CACNB2: variants seen among roughly 807,000 people sequenced by gnomAD.
CACNB2 encodes voltage-dependent L-type calcium channel subunit beta-2.
Under a neutral mutation model 73.3 loss-of-function variants are expected in CACNB2, and 42 were observed. That is an observed-to-expected ratio of 0.57 (90% CI 0.45 to 0.74). The LOEUF is 0.74. CACNB2 is among the 30% of genes least tolerant of loss of function. CACNB2 has a pLI of 0.00. For missense variants in CACNB2, 940 were observed against 853.0 expected (o/e 1.10, Z -1.27); for synonymous variants, 348 against 310.3 (o/e 1.12, Z -1.28).
intron 3 of CACNB2, among the ~76,000 whole-genome samples, chr10:18,489,813 T>C (rs2049304198): frequency 6.6e-6 from 1 of 152,230 alleles, no homozygotes; most frequent in Non-Finnish European, 1.5e-5. Context: ...ACACATTCCC[T>C]TCTCAACAAA....
At chr10:18,494,646 A>AC (rs1564615835) in intron 3 of CACNB2, among the ~76,000 whole-genome samples, 1 of 151,208 alleles carries the variant, frequency 6.6e-6, no homozygotes, top group African/African-American at 2.4e-5. Flanking sequence ...AAAAAAAAAA[A>AC]AAAGAAAAGA....
At chr10:18,174,083 G>T (rs2033424521) in intron 2 of CACNB2, among the ~76,000 whole-genome samples, 1 of 152,088 alleles carries the variant, frequency 6.6e-6, no homozygotes, top group African/African-American at 2.4e-5. Flanking sequence ...TAAATAATTT[G>T]TAAAAATTTT....
intron 5 of CACNB2, among the ~76,000 whole-genome samples, chr10:18,501,880 C>G (rs2050210279): frequency 6.6e-6 from 1 of 152,202 alleles, no homozygotes; most frequent in Non-Finnish European, 1.5e-5. Flanking sequence ...TTGTCAAGTT[C>G]ATTTAGTTCA....
chr10:18,492,339 G>C (rs887789094), intron 3 of CACNB2, among the ~76,000 whole-genome samples: 4 of 152,142 alleles, frequency 2.6e-5, no homozygotes, highest in Non-Finnish European at 5.9e-5. Flanking sequence ...GGGAAAACCT[G>C]GCCGGGCGTG....
At chr10:18,381,430 C>G (rs139061565) in intron 2 of CACNB2, among the ~76,000 whole-genome samples, 40 of 152,182 alleles carry the variant, frequency 2.6e-4, no homozygotes, top group African/African-American at 8.7e-4. Context: ...GTGGCTCATG[C>G]CTGTAACCCC....
intron 2 of CACNB2, among the ~76,000 whole-genome samples, chr10:18,284,423 GTT>G (rs2038697817): frequency 1.3e-5 from 2 of 152,146 alleles, no homozygotes; most frequent in Non-Finnish European, 2.9e-5. Context: ...TAGTTGATCT[GTT>G]TTCAATTTTT....
In CACNB2 at chr10:18,315,552, G is replaced by T. The variant is rs2478059; in HGVS notation, c.214-86372G>T. Among the ~76,000 whole-genome samples, 575 of 112,730 alleles carry T rather than the reference G, an allele frequency of 5.1e-3. 18 individuals are homozygous for T. In the Admixed American group the frequency reaches 0.055, roughly 11 times the overall value. 74.0% of individuals were successfully genotyped at this position (112,730 alleles called of 152,430 possible). ...AACTTTTTTTTTTTTTAATTAGCCA[G>T]ATGCAGTGGTGCCTGCCTGTGGTCC... On this transcript the variant is annotated intron_variant, in intron 2 of 13. Coordinates refer to ENST00000324631, the MANE Select transcript of CACNB2 (RefSeq NM_201596.3).
At chr10:18,464,231 A>T (rs2047739994) in intron 3 of CACNB2, among the ~76,000 whole-genome samples, 1 of 150,352 alleles carries the variant, frequency 6.7e-6, no homozygotes, top group African/African-American at 2.4e-5. Flanking sequence ...TAACTTCTCA[A>T]AGTTAGGGTT....
At chr10:18,407,127 T>TTTTTTTTTTTTTTTTTTTTTTTTTTTTTA (rs2044340140) in intron 3 of CACNB2, among the ~76,000 whole-genome samples, 1 of 120,346 alleles carries the variant, frequency 8.3e-6, no homozygotes. Context: ...TTTTTTTTTT[T>TTTTTTTTTTTTTTTTTTTTTTTTTTTTTA]TTTTTTTTTT....
At chr10:18,231,827 C>T (rs2036236549) in intron 2 of CACNB2, among the ~76,000 whole-genome samples, 3 of 152,162 alleles carry the variant, frequency 2.0e-5, no homozygotes, top group Non-Finnish European at 2.9e-5. Context: ...GTGTATGTCT[C>T]AAAGTAGTTT....
At chr10:18,394,292 C>T (rs1250136764) in intron 2 of CACNB2, among the ~76,000 whole-genome samples, 1 of 152,108 alleles carries the variant, frequency 6.6e-6, no homozygotes. Context: ...TGAGAGAGAG[C>T]AAGCGAGCGT....
At position 18,542,162 on chromosome 10, in the gene CACNB2, C is replaced by T. The variant is rs1294279729; in HGVS notation, c.*2438C>T. 6.6e-6 allele frequency: 1 copy of T among 152,018 alleles called. No individual in the cohort carries two copies. The highest frequency in any genetic ancestry group is 2.4e-5 in the African/African-American group (1 of 41,404). The allele number at this position is 152,018 out of a possible 1,614,324, so 9.4% of individuals were successfully genotyped here. The stretch of plus-strand genomic sequence containing the variant: ...TGAACCGTGACTGTACCAATGCACT[C>T]CAGCCTGGTGACAACCTGGTGTTTA... On this transcript the variant is annotated 3_prime_UTR_variant, in exon 14 of 14. Coordinates refer to ENST00000324631, the MANE Select transcript of CACNB2 (RefSeq NM_201596.3).
At chr10:18,287,153 A>T (rs1588945256) in intron 2 of CACNB2, among the ~76,000 whole-genome samples, 3 of 152,038 alleles carry the variant, frequency 2.0e-5, no homozygotes, top group Admixed American at 2.0e-4. Flanking sequence ...ACATAGTGAA[A>T]CCCCGTCTCT....
rs1244576900 is a variant in CACNB2 at position 18,140,810 on chromosome 10, T to G, written c.74T>G (p.Leu25Arg). Residue 25 changes from leucine (L) to arginine (R), a missense_variant, in exon 1 of 14, where the codon CTG (leucine) becomes CGG (arginine). Coordinates refer to ENST00000324631, the MANE Select transcript of CACNB2 (RefSeq NM_201596.3). ...AAVAQEIQMELLENVAPAGAL... is the reference protein window; with the variant it reads ...AAVAQEIQMERLENVAPAGAL... ...GTGGCGCAGGAGATCCAGATGGAAC[T>G]GCTAGAGAACGTGGCTCCCGCGGGG... 5.0e-6 allele frequency: 8 copies of G among 1,604,596 alleles called. No individual in the cohort carries two copies. Among genetic ancestry groups the G allele is most frequent in the Non-Finnish European group, 6.8e-6 (8 of 1,177,058 alleles).
chr10:18,530,525 A>C (rs1188575911), intron 10 of CACNB2, among the ~76,000 whole-genome samples: 1 of 151,872 alleles, frequency 6.6e-6, no homozygotes, highest in Non-Finnish European at 1.5e-5. Context: ...AAAAAAAAAA[A>C]AAAATGCAGT....
intron 2 of CACNB2, among the ~76,000 whole-genome samples, chr10:18,319,542 C>T (rs9787537): frequency 1.3e-5 from 2 of 151,992 alleles, no homozygotes; most frequent in African/African-American, 4.8e-5. Flanking sequence ...TGCAACAAGT[C>T]ACCATGGCAC....
chr10:18,283,694 G>A (rs1166480150), intron 2 of CACNB2, among the ~76,000 whole-genome samples: 7 of 150,362 alleles, frequency 4.7e-5, no homozygotes, highest in South Asian at 2.1e-4. Context: ...GGGGAGGGAT[G>A]GCATTAGGAG....
intron 3 of CACNB2, among the ~76,000 whole-genome samples, chr10:18,414,392 C>T (rs1179370239): frequency 6.6e-6 from 1 of 151,938 alleles, no homozygotes; most frequent in Non-Finnish European, 1.5e-5. Context: ...TCTTGGCAAT[C>T]GACCTGTTAA....
intron 4 of CACNB2, chr10:18,498,831 G>A (rs2049997378): frequency 3.6e-6 from 1 of 281,474 alleles, no homozygotes; most frequent in Admixed American, 5.1e-5. Context: ...AGGCATCTGG[G>A]GAGGGTTTAA....
Sources: allele counts gnomAD v4.1 joint callset (sites outside exome capture counted in the v4.1 genomes callset), GRCh38; gene constraint gnomAD v4.1.1; transcripts MANE v1.5; gene names NCBI Gene and HGNC (gene_info 2026-07-23, HGNC 2026-07-21).